FRMPD2: variants seen among roughly 807,000 people sequenced by gnomAD.
FRMPD2 encodes FERM and PDZ domain-containing protein 2.
Under a neutral mutation model 140.1 loss-of-function variants are expected in FRMPD2, and 96 were observed. The ratio of observed to expected loss-of-function variants is 0.69; its 90% CI spans 0.58 to 0.81. The LOEUF (loss-of-function observed/expected upper bound fraction) is 0.81. FRMPD2 is among the 40% of genes least tolerant of loss of function. The probability of loss-of-function intolerance (pLI) is 0.00; values close to 1 mark genes in which losing one functional copy is unlikely to be tolerated. For missense variants in FRMPD2, 1,240 were observed against 1,447.4 expected, an observed-to-expected ratio of 0.86 and a Z score of 2.32; for synonymous variants, 449 against 547.6, an observed-to-expected ratio of 0.82 and a Z score of 2.52.
At chr10:48,192,282 T>C (rs907954007) in intron 16 of FRMPD2, among the ~76,000 whole-genome samples, 1 of 152,124 alleles carries the variant, frequency 6.6e-6, no homozygotes, top group African/African-American at 2.4e-5. Context: ...ACATCTAACA[T>C]CGTTTAAACA....
rs140807329 is a variant in FRMPD2 at position 48,226,839 on chromosome 10, C to T, written c.1169-3569G>A. 4.5e-3 allele frequency among the ~76,000 whole-genome samples: 688 copies of T among 152,310 alleles called. 9 individuals carry two copies. The highest frequency in any genetic ancestry group is 0.016 in the African/African-American group (659 of 41,568). ...CATGCCACATAAAACATTTATTATG[C>T]TTTTCTCCTGTTGATCTTTCTTATG... is the stretch of plus-strand genomic sequence containing the variant. On this transcript the variant is annotated intron_variant, in intron 10 of 28. Coordinates refer to ENST00000374201, the MANE Select transcript of FRMPD2 (RefSeq NM_001018071.4).
At position 48,185,606 on chromosome 10, in the gene FRMPD2, G is replaced by A. The variant is rs200435407; in HGVS notation, c.2306C>T (p.Pro769Leu). The stretch of plus-strand genomic sequence containing the variant: ...TGTCACACGTACAATTTCTCGGCCC[G>A]GTTCAGCTATAAAGCTCTTCCTCCT... The part of the protein sequence containing the change: ...NNRRKSFIAE[P>L]GREIVRVTLK... The change falls in exon 18 of 29, where the codon CCG (proline) becomes CTG (leucine). Residue 769 changes from proline to leucine, a missense_variant. Pro to Leu is a moderately conservative substitution (Grantham distance 98, BLOSUM62 -3). Around this residue, in one of 6 missense-constraint regions of FRMPD2, gnomAD observed 1,161 missense variants for 1,055.9 expected, o/e 1.10. Transcript: ENST00000374201. 112 of 1,614,046 alleles carry A rather than the reference G, an allele frequency of 6.9e-5. No homozygotes were observed. In the Middle Eastern group the frequency reaches 9.9e-4, roughly 14 times the overall value.
chr10:48,264,052 T>C (rs1384060637), intron 1 of FRMPD2, among the ~76,000 whole-genome samples: 1 of 151,978 alleles, frequency 6.6e-6, no homozygotes, highest in East Asian at 1.9e-4. Flanking sequence ...ATCAAATTTA[T>C]TAATACAGAA....
At chr10:48,249,922 G>A (rs974018626) in intron 2 of FRMPD2, among the ~76,000 whole-genome samples, 1 of 152,090 alleles carries the variant, frequency 6.6e-6, no homozygotes, top group African/African-American at 2.4e-5. Flanking sequence ...GCTCTGAAGA[G>A]ACACTATAGG....
chr10:48,156,874 T>C lies in FRMPD2; in HGVS notation c.*448A>G, dbSNP rs1473039588. 4.1e-5 allele frequency: 9 copies of C among 217,296 alleles called. No individual in the cohort carries two copies. Among genetic ancestry groups the C allele is most frequent in the African/African-American group, 2.1e-4 (9 of 42,586 alleles). 13.5% of individuals were successfully genotyped at this position (217,296 alleles called of 1,614,324 possible). A position where few individuals can be genotyped will look rare whatever the true frequency, so the allele number is the denominator to read the frequency against. On this transcript the variant is annotated 3_prime_UTR_variant, in exon 29 of 29. Coordinates refer to ENST00000374201, the MANE Select transcript of FRMPD2 (RefSeq NM_001018071.4). The stretch of plus-strand genomic sequence containing the variant: ...GGATTATTGGGACACGTAAATTACA[T>C]AATTCTGACACAGCCCCCCCAACTC...
chr10:48,255,139 C>A (rs1047469889), intron 1 of FRMPD2, among the ~76,000 whole-genome samples: 1 of 152,164 alleles, frequency 6.6e-6, no homozygotes, highest in South Asian at 2.1e-4. Context: ...CCAGATCTCA[C>A]CTACATAGAC....
chr10:48,174,081 TA>T (rs1389452782), intron 24 of FRMPD2, among the ~76,000 whole-genome samples: 2 of 152,178 alleles, frequency 1.3e-5, no homozygotes, highest in Admixed American at 1.3e-4. Flanking sequence ...GTCACTAATA[TA>T]AGCAAATTTC....
intron 1 of FRMPD2, among the ~76,000 whole-genome samples, chr10:48,269,109 A>G (rs1840726573): frequency 6.6e-6 from 1 of 152,240 alleles, no homozygotes; most frequent in Non-Finnish European, 1.5e-5. Context: ...AAATACAACT[A>G]CTCAATAAAT....
chr10:48,247,038 A>G (rs1293716029), intron 3 of FRMPD2, among the ~76,000 whole-genome samples: 1 of 152,158 alleles, frequency 6.6e-6, no homozygotes, highest in Non-Finnish European at 1.5e-5. Context: ...CTCATACTGG[A>G]TCTCTTCCAG....
chr10:48,222,195 C>G (rs1839611742), intron 12 of FRMPD2, 118 bp downstream of exon 12: 8 of 984,970 alleles, frequency 8.1e-6, no homozygotes, highest in Non-Finnish European at 1.2e-5. Context: ...TTACTCCAAT[C>G]TAGCTGGTAG....
At chr10:48,193,741 C>G (rs148772545) in intron 15 of FRMPD2, among the ~76,000 whole-genome samples, 102 of 152,184 alleles carry the variant, frequency 6.7e-4, no homozygotes, top group African/African-American at 2.0e-3. Flanking sequence ...CCTGGTTTCT[C>G]TGTGTGTGTA....
rs190057211 is a variant in FRMPD2, at chr10:48,198,780, T to C, written c.1954+2448A>G. 5.3e-5 allele frequency among the ~76,000 whole-genome samples: 8 copies of C among 152,356 alleles called. No individual in the cohort carries two copies. In the East Asian group the frequency reaches 1.3e-3, roughly 26 times the overall value. On this transcript the variant is annotated intron_variant, in intron 15 of 28. Transcript: ENST00000374201. ...CAGTAGTGTTTTGTAGTTCTCTTTG[T>C]AGAGATTGTTCACCTTCCTGATTAG...
chr10:48,267,826 T>C (rs1205879900), intron 1 of FRMPD2, among the ~76,000 whole-genome samples: 1 of 152,204 alleles, frequency 6.6e-6, no homozygotes, highest in Non-Finnish European at 1.5e-5. Context: ...AGAAATCAAG[T>C]ACTGATACAT....
intron 15 of FRMPD2, among the ~76,000 whole-genome samples, chr10:48,198,982 C>T (rs558944710): frequency 1.1e-4 from 16 of 152,218 alleles, no homozygotes; most frequent in East Asian, 3.9e-4. Flanking sequence ...AGCAAATTAA[C>T]GCAGGAACAG....
In FRMPD2 at chr10:48,192,843, C is replaced by A. The variant is rs370193041; in HGVS notation, c.2006G>T (p.Arg669Leu). The A allele has an allele frequency of 1.9e-6, 3 of 1,613,932 alleles. No individual in the cohort carries two copies. The highest frequency in any genetic ancestry group is 2.7e-5 in the African/African-American group (2 of 74,894). ...MANLSPAHQA[R>L]SKPLIWIQRL... Reference sequence around the variant, plus strand: ...CTGAATCCAAATGAGAGGCTTAGACCGGGCCTGGTGTGCAGGACTCAAATT... The same window carrying A: ...CTGAATCCAAATGAGAGGCTTAGACAGGGCCTGGTGTGCAGGACTCAAATT... The change falls in exon 16 of 29, where the codon CGG (arginine) becomes CTG (leucine). Residue 669 changes from arginine to leucine, a missense_variant. Arg to Leu is a moderately radical substitution (Grantham distance 102, BLOSUM62 -2). Coordinates refer to ENST00000374201, the MANE Select transcript of FRMPD2 (RefSeq NM_001018071.4).
Position 48,163,698 on chromosome 10 carries a change from T to A in FRMPD2, c.3538-27A>T, listed in dbSNP as rs782655178. On this transcript the variant is annotated intron_variant, in intron 27 of 28. Transcript: ENST00000374201. The stretch of plus-strand genomic sequence containing the variant: ...TATTAAAAGAAATGCTACTGATTAC[T>A]GGCTGCGGGATGCACATTGTTTTTT... The A allele has an allele frequency of 3.9e-6, 6 of 1,522,684 alleles. No individual in the cohort carries two copies. In the Admixed American group the frequency reaches 8.4e-5, roughly 21 times the overall value. The allele number at this position is 1,522,684 out of a possible 1,614,324, so 94.3% of individuals were successfully genotyped here.
intron 1 of FRMPD2, among the ~76,000 whole-genome samples, chr10:48,259,505 G>T (rs1015259302): frequency 4.6e-5 from 7 of 152,030 alleles, no homozygotes; most frequent in Admixed American, 2.0e-4. Context: ...AGTATTATGC[G>T]CTATTAATCT....
intron 27 of FRMPD2, among the ~76,000 whole-genome samples, chr10:48,166,542 C>T (rs1442658431): frequency 4.9e-5 from 6 of 122,598 alleles, no homozygotes; most frequent in African/African-American, 2.0e-4. Flanking sequence ...CCCCAAGGCC[C>T]TCCAGGGTCC....
chr10:48,215,351 C>T (rs1839420801), intron 12 of FRMPD2, among the ~76,000 whole-genome samples: 1 of 152,168 alleles, frequency 6.6e-6, no homozygotes, highest in African/African-American at 2.4e-5. Flanking sequence ...CTCTCTGAGG[C>T]CTCACTCAAT....
Sources: allele counts gnomAD v4.1 joint callset (sites outside exome capture counted in the v4.1 genomes callset), GRCh38; gene constraint gnomAD v4.1.1; regional missense constraint gnomAD v4.1.1; transcripts MANE v1.5; gene names NCBI Gene and HGNC (gene_info 2026-07-23, HGNC 2026-07-21).